Variants in FRMD6 observed in about 807,000 individuals in gnomAD.
FRMD6 encodes FERM domain containing 6, also known as FERM domain-containing protein 6.
A neutral mutation model predicts 73.2 loss-of-function variants in FRMD6; 37 were observed. The observed-to-expected ratio is 0.51, with a 90% CI of 0.39 to 0.66. The LOEUF (loss-of-function observed/expected upper bound fraction) is 0.66. FRMD6 is among the 30% of genes least tolerant of loss of function. The pLI, the probability that FRMD6 is intolerant of heterozygous loss-of-function variation, is 0.00. For missense variants in FRMD6, 714 were observed against 780.5 expected, an observed-to-expected ratio of 0.91 and a Z score of 1.02; for synonymous variants, 273 against 282.2, an observed-to-expected ratio of 0.97 and a Z score of 0.33.
At chr14:51,504,059 G>A (rs539464635) in intron 1 of FRMD6, among the ~76,000 whole-genome samples, 36 of 151,030 alleles carry the variant, frequency 2.4e-4, no homozygotes, top group African/African-American at 7.2e-4. Flanking sequence ...TTGTATTTCC[G>A]GGGGTCAGTG....
At chr14:51,600,206 G>A (rs1275756263) in intron 2 of FRMD6, among the ~76,000 whole-genome samples, 4 of 152,134 alleles carry the variant, frequency 2.6e-5, no homozygotes, top group Admixed American at 2.6e-4. Context: ...AGAGGAGTTA[G>A]TTACTTGAAC....
the FRMD6 span, among the ~76,000 whole-genome samples, chr14:51,439,843 G>A: frequency 1.2e-4 from 18 of 152,272 alleles, no homozygotes; most frequent in South Asian, 4.1e-4. Context: ...TATTGCTAGC[G>A]TAACCAGAGT....
chr14:51,424,798 G>T, the FRMD6 span, among the ~76,000 whole-genome samples: 4 of 152,192 alleles, frequency 2.6e-5, no homozygotes, highest in Admixed American at 6.5e-5. Context: ...AAAAGAAAAG[G>T]TCTCCAAGAA....
At chr14:51,543,571 A>G (rs956542824) in intron 1 of FRMD6, among the ~76,000 whole-genome samples, 2 of 152,034 alleles carry the variant, frequency 1.3e-5, no homozygotes, top group Non-Finnish European at 2.9e-5. Flanking sequence ...TAATATGCCA[A>G]GCACCAAAGA....
intron 1 of FRMD6, among the ~76,000 whole-genome samples, chr14:51,515,983 A>C (rs948182356): frequency 9.2e-5 from 14 of 152,214 alleles, no homozygotes; most frequent in Non-Finnish European, 1.8e-4. Context: ...GAAGGCCAGA[A>C]GGAGGCACTT....
At chr14:51,586,822 C>T (rs1215001751) in intron 2 of FRMD6, among the ~76,000 whole-genome samples, 1 of 152,132 alleles carries the variant, frequency 6.6e-6, no homozygotes, top group Non-Finnish European at 1.5e-5. Flanking sequence ...TGGCTCACTG[C>T]AGCCTCAACC....
chr14:51,540,721 A>AGC, intron 1 of FRMD6, among the ~76,000 whole-genome samples: 1 of 117,458 alleles, frequency 8.5e-6, no homozygotes, highest in Non-Finnish European at 1.7e-5. Context: ...TTTTAGTTGG[A>AGC]GTAGATAATT....
chr14:51,562,260 G>GCC (rs567899241), intron 1 of FRMD6, among the ~76,000 whole-genome samples: 111 of 152,194 alleles, frequency 7.3e-4, no homozygotes, highest in Non-Finnish European at 1.4e-3. Flanking sequence ...ACCAAAGATT[G>GCC]CCTGCATCCA....
At chr14:51,505,154 C>T (rs747737584) in intron 1 of FRMD6, among the ~76,000 whole-genome samples, 4 of 152,162 alleles carry the variant, frequency 2.6e-5, no homozygotes, top group African/African-American at 7.2e-5. Flanking sequence ...CTAAGAAAGG[C>T]TTTCTGTCCC....
chr14:51,496,714 A>G (rs1450089815), intron 1 of FRMD6, among the ~76,000 whole-genome samples: 1 of 152,236 alleles, frequency 6.6e-6, no homozygotes, highest in East Asian at 1.9e-4. Context: ...AAGATTTGCA[A>G]ATAATTTTTG....
At chr14:51,661,862 T>C (rs1893240069) in intron 1 of FRMD6, among the ~76,000 whole-genome samples, 1 of 152,220 alleles carries the variant, frequency 6.6e-6, no homozygotes, top group Non-Finnish European at 1.5e-5. Flanking sequence ...AAATATTCAA[T>C]ATTGATGTGG....
chr14:51,448,805 A>C, the FRMD6 span, among the ~76,000 whole-genome samples: 1 of 152,208 alleles, frequency 6.6e-6, no homozygotes, highest in Non-Finnish European at 1.5e-5. Context: ...TTGGGGCAGG[A>C]AATGAAACAT....
chr14:51,400,034 C>T, the FRMD6 span, among the ~76,000 whole-genome samples: 17 of 151,394 alleles, frequency 1.1e-4, no homozygotes, highest in African/African-American at 4.1e-4. Context: ...TGGAATGTTT[C>T]AATACATGCA....
the FRMD6 span, among the ~76,000 whole-genome samples, chr14:51,464,549 G>A: frequency 0.016 from 2,419 of 152,278 alleles, 72 homozygotes; most frequent in African/African-American, 0.055. Flanking sequence ...TTCTGAAGGC[G>A]GGGATGGGGT....
At chr14:51,534,517 A>G (rs759440998) in intron 1 of FRMD6, among the ~76,000 whole-genome samples, 4 of 152,158 alleles carry the variant, frequency 2.6e-5, no homozygotes, top group Non-Finnish European at 5.9e-5. Flanking sequence ...CCTATTTTCA[A>G]TACCTATCAG....
intron 1 of FRMD6, among the ~76,000 whole-genome samples, chr14:51,668,869 G>A (rs1008196297): frequency 6.2e-5 from 9 of 145,724 alleles, no homozygotes; most frequent in South Asian, 2.2e-4. Context: ...GGGTTTCACC[G>A]TGTTGGCCAG....
chr14:51,414,858 A>G, the FRMD6 span, among the ~76,000 whole-genome samples: 1,406 of 152,066 alleles, frequency 9.2e-3, 22 homozygotes, highest in African/African-American at 0.032. Context: ...CCTTGAAGAG[A>G]TCCTTCACAT....
At chr14:51,666,072 A>G (rs1312044934) in intron 1 of FRMD6, among the ~76,000 whole-genome samples, 1 of 152,214 alleles carries the variant, frequency 6.6e-6, no homozygotes, top group African/African-American at 2.4e-5. Flanking sequence ...GATTATAGTG[A>G]CACCTGTAGA....
At position 51,725,791 on chromosome 14, in the gene FRMD6, A is replaced by C. The variant is rs1897918924; in HGVS notation, c.1505A>C (p.Lys502Thr). 4.3e-6 allele frequency: 7 copies of C among 1,613,228 alleles called. No homozygotes were observed. The highest frequency in any genetic ancestry group is 5.9e-6 in the Non-Finnish European group (7 of 1,179,232). ...TGTTTTATTTCAGGGTTGATTGTGAAAGAAATTGGGTCTTCCACCTCGAGC... is the reference window on the plus strand; with the variant it reads ...TGTTTTATTTCAGGGTTGATTGTGACAGAAATTGGGTCTTCCACCTCGAGC... The part of the protein sequence containing the change: ...KLNGHSGLIV[K>T]EIGSSTSSSS... Residue 502 changes from lysine to threonine, a missense_variant, in exon 13 of 14, where the codon AAA (lysine) becomes ACA (threonine). Coordinates refer to ENST00000344768, the MANE Select transcript of FRMD6 (RefSeq NM_001267046.2).
Sources: gnomAD v4.1 joint callset for allele counts (sites outside exome capture counted in the v4.1 genomes callset) on GRCh38, gnomAD v4.1.1 for gene constraint, MANE v1.5 for transcripts, NCBI Gene and HGNC (gene_info 2026-07-23, HGNC 2026-07-21) for gene names.